The following KCTD8 variants were observed in gnomAD, a reference collection of about 807,000 sequenced individuals.
KCTD8 encodes the protein BTB/POZ domain-containing protein KCTD8.
In KCTD8, 27 loss-of-function variants were observed where a neutral mutation model predicts 31.5. The ratio of observed to expected loss-of-function variants is 0.86; its 90% confidence interval spans 0.63 to 1.18. The LOEUF is 1.18. KCTD8 is among the 50% of genes most tolerant of loss of function. The pLI, the probability that KCTD8 is intolerant of heterozygous loss-of-function variation, is 0.00. For missense variants in KCTD8, 658 were observed against 647.7 expected (o/e 1.02, Z -0.17); for synonymous variants, 290 against 280.0 (o/e 1.04, Z -0.36).
At chr4:44,389,349 T>C (rs1720309992) in intron 1 of KCTD8, among the ~76,000 whole-genome samples, 1 of 151,846 alleles carries the variant, frequency 6.6e-6, no homozygotes, top group African/African-American at 2.4e-5. Context: ...CCTGGTGTTA[T>C]TATTACACAT....
chr4:44,374,766 C>T (rs948459614), intron 1 of KCTD8, among the ~76,000 whole-genome samples: 1 of 152,046 alleles, frequency 6.6e-6, no homozygotes, highest in African/African-American at 2.4e-5. Flanking sequence ...TTAAGTTTGC[C>T]ATCTTCTATG....
chr4:44,338,787 A>G (rs577435480), intron 1 of KCTD8, among the ~76,000 whole-genome samples: 33 of 152,364 alleles, frequency 2.2e-4, no homozygotes, highest in African/African-American at 7.9e-4. Flanking sequence ...AAAATCTTCA[A>G]AAGTAGATAC....
chr4:44,387,860 G>C (rs1455110770), intron 1 of KCTD8, among the ~76,000 whole-genome samples: 8 of 151,652 alleles, frequency 5.3e-5, no homozygotes, highest in Non-Finnish European at 1.2e-4. Flanking sequence ...AGCAAAAATT[G>C]ACAAATGGAA....
intron 1 of KCTD8, among the ~76,000 whole-genome samples, chr4:44,349,078 C>T (rs1560432802): frequency 7.9e-6 from 1 of 127,026 alleles, no homozygotes; most frequent in Non-Finnish European, 1.7e-5. Flanking sequence ...ACCGCCACCA[C>T]CACCACCACC....
chr4:44,447,348 T>C (rs1721967859), intron 1 of KCTD8, among the ~76,000 whole-genome samples: 1 of 151,902 alleles, frequency 6.6e-6, no homozygotes. Flanking sequence ...TGCTACTGAG[T>C]TCTAGAAAGG....
rs184962253 is a variant in KCTD8, at chr4:44,320,925, A to T, written c.961+126638T>A. On this transcript the variant is annotated intron_variant, in intron 1 of 1. Coordinates refer to ENST00000360029, the MANE Select transcript of KCTD8 (RefSeq NM_198353.3). ...ATTTTAAGAAGGCAAGGAAAAGGAT[A>T]ACAAGATTTAAGTGAGAGGAGAAGC... 2.0e-5 allele frequency among the ~76,000 whole-genome samples: 3 copies of T among 152,286 alleles called. No individual in the cohort carries two copies. In the East Asian group the frequency reaches 5.8e-4, roughly 29 times the overall value.
chr4:44,417,989 G>A (rs1295254425), intron 1 of KCTD8, among the ~76,000 whole-genome samples: 1 of 152,138 alleles, frequency 6.6e-6, no homozygotes, highest in Non-Finnish European at 1.5e-5. Flanking sequence ...AGATGAGTAA[G>A]AAATTGTCCC....
At chr4:44,314,560 T>C (rs1718053194) in intron 1 of KCTD8, among the ~76,000 whole-genome samples, 1 of 152,146 alleles carries the variant, frequency 6.6e-6, no homozygotes, top group South Asian at 2.1e-4. Flanking sequence ...TAATGTTTCC[T>C]CTGCCTGACA....
intron 1 of KCTD8, among the ~76,000 whole-genome samples, chr4:44,278,555 A>G (rs1473034583): frequency 1.3e-5 from 2 of 152,100 alleles, no homozygotes; most frequent in Admixed American, 1.3e-4. Flanking sequence ...TAGAAACTGT[A>G]GAAGAAAGAG....
At chr4:44,383,476 C>T (rs975482475) in intron 1 of KCTD8, among the ~76,000 whole-genome samples, 5 of 151,806 alleles carry the variant, frequency 3.3e-5, no homozygotes, top group Non-Finnish European at 7.4e-5. Flanking sequence ...ACACATAGAC[C>T]AATGGAACAG....
intron 1 of KCTD8, among the ~76,000 whole-genome samples, chr4:44,434,353 A>C (rs557879903): frequency 2.6e-5 from 4 of 151,904 alleles, no homozygotes; most frequent in Non-Finnish European, 5.9e-5. Flanking sequence ...GCGTCATATC[A>C]TTTAATCCTT....
chr4:44,405,495 G>T (rs532785769), intron 1 of KCTD8, among the ~76,000 whole-genome samples: 85 of 152,154 alleles, frequency 5.6e-4, no homozygotes, highest in African/African-American at 2.0e-3. Flanking sequence ...TTGAGCTCAT[G>T]ATGAGCTCGT....
At chr4:44,388,271 G>C (rs1403453762) in intron 1 of KCTD8, among the ~76,000 whole-genome samples, 2 of 151,918 alleles carry the variant, frequency 1.3e-5, no homozygotes. Context: ...GTGTAAATTA[G>C]TACAGCCATC....
chr4:44,405,787 T>C (rs898502061), intron 1 of KCTD8, among the ~76,000 whole-genome samples: 1 of 132,992 alleles, frequency 7.5e-6, no homozygotes, highest in Non-Finnish European at 1.5e-5. Flanking sequence ...CCTCTAGCTA[T>C]GAGTGTTTTG....
At chr4:44,214,320 T>A (rs1475385804) in intron 1 of KCTD8, among the ~76,000 whole-genome samples, 1 of 152,198 alleles carries the variant, frequency 6.6e-6, no homozygotes, top group Non-Finnish European at 1.5e-5. Flanking sequence ...CCTACACATG[T>A]AAACTCTTTA....
intron 1 of KCTD8, among the ~76,000 whole-genome samples, chr4:44,321,476 T>C (rs1206601573): frequency 1.3e-5 from 2 of 152,186 alleles, no homozygotes; most frequent in African/African-American, 4.8e-5. Context: ...TATGTTTTTT[T>C]GATATATCAT....
chr4:44,396,792 T>C (rs545647502), intron 1 of KCTD8, among the ~76,000 whole-genome samples: 15 of 152,114 alleles, frequency 9.9e-5, no homozygotes, highest in Non-Finnish European at 2.1e-4. Context: ...TTCAGACCCA[T>C]GCAGTGGAAA....
At chr4:44,237,916 G>A (rs1715339478) in intron 1 of KCTD8, among the ~76,000 whole-genome samples, 1 of 152,098 alleles carries the variant, frequency 6.6e-6, no homozygotes, top group Non-Finnish European at 1.5e-5. Context: ...TTCCATTAAT[G>A]TGTACATACC....
chr4:44,309,037 C>T (rs191412217), intron 1 of KCTD8, among the ~76,000 whole-genome samples: 13 of 152,030 alleles, frequency 8.6e-5, no homozygotes, highest in South Asian at 4.2e-4. Flanking sequence ...ATCAAACTGA[C>T]GTTTATTTAT....
Sources: gnomAD v4.1 joint callset for allele counts (sites outside exome capture counted in the v4.1 genomes callset) on GRCh38, gnomAD v4.1.1 for gene constraint, MANE v1.5 for transcripts, NCBI Gene and HGNC (gene_info 2026-07-23, HGNC 2026-07-21) for gene names.